Variants in CYRIA observed in about 807,000 individuals in gnomAD.
The protein encoded by CYRIA is CYFIP related Rac1 interactor A, also known as CYFIP-related Rac1 interactor A.
A neutral mutation model predicts 43.9 loss-of-function variants in CYRIA; 15 were observed. The ratio of observed to expected loss-of-function variants is 0.34; its 90% CI spans 0.23 to 0.53. The LOEUF (loss-of-function observed/expected upper bound fraction) is 0.53, where lower values mean the gene tolerates loss of function less well. Ranked by LOEUF, CYRIA falls within the 20% of genes least tolerant of loss-of-function variation. The probability of loss-of-function intolerance (pLI) is 0.94; values close to 1 mark genes in which losing one functional copy is unlikely to be tolerated. For missense variants in CYRIA, 236 were observed against 394.2 expected, an observed-to-expected ratio of 0.60 and a Z score of 3.40; for synonymous variants, 117 against 136.0, an observed-to-expected ratio of 0.86 and a Z score of 0.97.
intron 1 of CYRIA, among the ~76,000 whole-genome samples, chr2:16,637,211 T>G (rs4832666): frequency 0.51 from 77,611 of 151,986 alleles, 23,051 homozygotes; most frequent in African/African-American, 0.8. Context: ...CTTTTTAACT[T>G]AAAAGTTGTA....
intron 1 of CYRIA, among the ~76,000 whole-genome samples, chr2:16,657,164 A>G (rs1338742801): frequency 6.6e-6 from 1 of 152,214 alleles, no homozygotes; most frequent in Non-Finnish European, 1.5e-5. Context: ...CAAGGAAGAG[A>G]AGTGACAAGC....
chr2:16,555,501 T>C (rs1369238382), intron 10 of CYRIA, among the ~76,000 whole-genome samples: 1 of 152,110 alleles, frequency 6.6e-6, no homozygotes, highest in Non-Finnish European at 1.5e-5. Context: ...GTTGGACATG[T>C]CTATGTCCAA....
intron 2 of CYRIA, among the ~76,000 whole-genome samples, chr2:16,608,166 A>G (rs900708879): frequency 2.6e-5 from 4 of 152,226 alleles, no homozygotes; most frequent in African/African-American, 9.6e-5. Context: ...GAAGGACTGG[A>G]TAAGTAGTCA....
At chr2:16,573,688 T>C (rs1667222033) in intron 3 of CYRIA, among the ~76,000 whole-genome samples, 1 of 152,144 alleles carries the variant, frequency 6.6e-6, no homozygotes, top group African/African-American at 2.4e-5. Flanking sequence ...GATCTGATGG[T>C]TTTATAAAGA....
At chr2:16,614,614 C>A (rs13003921) in intron 2 of CYRIA, among the ~76,000 whole-genome samples, 2 of 152,200 alleles carry the variant, frequency 1.3e-5, no homozygotes, top group African/African-American at 4.8e-5. Context: ...TTGAAGACAG[C>A]AAATTGTGAT....
At chr2:16,624,713 T>C (rs899453325) in intron 1 of CYRIA, among the ~76,000 whole-genome samples, 2 of 152,234 alleles carry the variant, frequency 1.3e-5, no homozygotes, top group Non-Finnish European at 2.9e-5. Context: ...TCCTGGCTCC[T>C]GTGCATTTGA....
intron 2 of CYRIA, among the ~76,000 whole-genome samples, chr2:16,607,926 C>T (rs944831466): frequency 1.3e-5 from 2 of 152,148 alleles, no homozygotes; most frequent in African/African-American, 4.8e-5. Flanking sequence ...TCATACTGTT[C>T]CTTTTGCCTT....
At position 16,567,922 on chromosome 2, in the gene CYRIA, T is replaced by A. The variant is rs1666999443; in HGVS notation, c.71-2155A>T. ...TGGGGCAATGGAAGGTGAAATGGAGTATATTCATGAAGAGAGCACAGCTTG... is the reference window on the plus strand; with the variant it reads ...TGGGGCAATGGAAGGTGAAATGGAGAATATTCATGAAGAGAGCACAGCTTG... On this transcript the variant is annotated intron_variant, in intron 3 of 11. Coordinates refer to ENST00000381323, the MANE Select transcript of CYRIA (RefSeq NM_030797.4). Among the ~76,000 whole-genome samples, 3 of 152,022 alleles carry A rather than the reference T, an allele frequency of 2.0e-5. No individual in the cohort carries two copies. In the South Asian group the frequency reaches 6.2e-4, roughly 32 times the overall value.
At chr2:16,629,746 A>G (rs2103519341) in intron 1 of CYRIA, among the ~76,000 whole-genome samples, 1 of 152,342 alleles carries the variant, frequency 6.6e-6, no homozygotes, top group Non-Finnish European at 1.5e-5. Flanking sequence ...TTTGGTAAAT[A>G]GACCTTTTTG....
chr2:16,633,326 G>T (rs928105345), intron 1 of CYRIA, among the ~76,000 whole-genome samples: 4 of 152,132 alleles, frequency 2.6e-5, no homozygotes, highest in Non-Finnish European at 5.9e-5. Flanking sequence ...AATCCATACT[G>T]ACCTCTCCCT....
intron 3 of CYRIA, among the ~76,000 whole-genome samples, chr2:16,570,522 A>T (rs1197506488): frequency 6.6e-6 from 1 of 152,240 alleles, no homozygotes; most frequent in African/African-American, 2.4e-5. Flanking sequence ...GGAGTCTTAC[A>T]CTTGGCCTTC....
Position 16,561,075 on chromosome 2 carries a change from T to A in CYRIA, c.631-6A>T, listed in dbSNP as rs1391566626. 1.2e-6 allele frequency: 2 copies of A among 1,613,488 alleles called. No individual in the cohort carries two copies. Among genetic ancestry groups the A allele is most frequent in the Non-Finnish European group, 1.7e-6 (2 of 1,179,648 alleles). On this transcript the variant is annotated splice_polypyrimidine_tract_variant and splice_region_variant and intron_variant, in intron 8 of 11. Transcript: ENST00000381323. ...TCTATTGGCAGAGTTTTGTTCTAAA[T>A]GGGAGACACAAATGTACATTAGTCC... is the stretch of plus-strand genomic sequence containing the variant.
chr2:16,588,875 A>G (rs1250713992), intron 2 of CYRIA, among the ~76,000 whole-genome samples: 2 of 152,160 alleles, frequency 1.3e-5, no homozygotes, highest in Non-Finnish European at 2.9e-5. Context: ...AGTTACTCTC[A>G]GTAAAACTGC....
In CYRIA at chr2:16,613,011, G is replaced by A. The variant is rs138855781; in HGVS notation, c.-11+10853C>T. Among the ~76,000 whole-genome samples, 11 of 152,314 alleles carry A rather than the reference G, an allele frequency of 7.2e-5. No individual in the cohort carries two copies. The East Asian group carries it at 2.1e-3, about 29-fold the overall frequency. On this transcript the variant is annotated intron_variant, in intron 2 of 11. Coordinates refer to ENST00000381323, the MANE Select transcript of CYRIA (RefSeq NM_030797.4). ...TCTTGCCTGCTACCGTGTAAGATGT[G>A]ACTTTGCTCCTCATTCGTCTTCCTC...
At chr2:16,649,230 T>C (rs1475477172) in intron 1 of CYRIA, among the ~76,000 whole-genome samples, 1 of 152,244 alleles carries the variant, frequency 6.6e-6, no homozygotes, top group African/African-American at 2.4e-5. Flanking sequence ...GCAAATACTA[T>C]GTCATTTTAT....
intron 1 of CYRIA, among the ~76,000 whole-genome samples, chr2:16,629,236 AGCAGGCAC>A (rs1669253820): frequency 6.6e-6 from 1 of 152,234 alleles, no homozygotes; most frequent in Admixed American, 6.5e-5. Context: ...TTCTGCTGCC[AGCAGGCAC>A]CCATCATGCG....
intron 1 of CYRIA, among the ~76,000 whole-genome samples, chr2:16,660,834 G>A (rs1434500751): frequency 7.2e-5 from 11 of 152,210 alleles, no homozygotes; most frequent in Non-Finnish European, 1.0e-4. Flanking sequence ...TGTCTGCAGC[G>A]CTAAGCTGGA....
At chr2:16,561,678 T>A (rs1161691199) in intron 6 of CYRIA, 145 bp from the exon 7 acceptor site, 2 of 672,764 alleles carry the variant, frequency 3.0e-6, no homozygotes, top group Non-Finnish European at 5.0e-6. Flanking sequence ...TGGTTAGAAA[T>A]AAGGACCCAC....
At chr2:16,554,699 C>A (rs1666442944) in intron 11 of CYRIA, among the ~76,000 whole-genome samples, 1 of 152,150 alleles carries the variant, frequency 6.6e-6, no homozygotes, top group African/African-American at 2.4e-5. Context: ...GGTTTGGGAA[C>A]CACTGGTAAA....
Sources: gnomAD v4.1 joint callset for allele counts (sites outside exome capture counted in the v4.1 genomes callset) on GRCh38, gnomAD v4.1.1 for gene constraint, MANE v1.5 for transcripts, NCBI Gene and HGNC (gene_info 2026-07-23, HGNC 2026-07-21) for gene names.